CAPZA2: variants seen among roughly 807,000 people sequenced by gnomAD.
CAPZA2 encodes the protein F-actin-capping protein subunit alpha-2.
CAPZA2 carries 13 observed loss-of-function variants against 44.0 expected under a neutral mutation model. That is an observed-to-expected ratio of 0.30 (90% CI 0.19 to 0.47). The LOEUF is 0.47. Ranked by LOEUF, CAPZA2 falls within the 20% of genes least tolerant of loss-of-function variation. The pLI, the probability that CAPZA2 is intolerant of heterozygous loss-of-function variation, is 1.00. For missense variants in CAPZA2, 244 were observed against 338.6 expected, an observed-to-expected ratio of 0.72 and a Z score of 2.19; for synonymous variants, 94 against 108.2, an observed-to-expected ratio of 0.87 and a Z score of 0.81.
chr7:116,888,630 C>G (rs1158035899), intron 2 of CAPZA2: 5 of 144,908 alleles, frequency 3.5e-5, no homozygotes, highest in African/African-American at 5.2e-5. Flanking sequence ...CACTTGAGAC[C>G]AGGAGTTCGA....
intron 7 of CAPZA2, among the ~76,000 whole-genome samples, chr7:116,911,054 G>A (rs1585014868): frequency 6.7e-6 from 1 of 148,750 alleles, no homozygotes; most frequent in East Asian, 2.0e-4. Context: ...ATGGCTAAAA[G>A]GGTTAGGACA....
In CAPZA2 at chr7:116,912,061, T is replaced by C. The variant is rs1791604290; in HGVS notation, c.586-8T>C. The C allele has an allele frequency of 1.9e-6, 3 of 1,611,998 alleles. No individual in the cohort carries two copies. The highest frequency in any genetic ancestry group is 2.5e-6 in the Non-Finnish European group (3 of 1,178,702). On this transcript the variant is annotated splice_polypyrimidine_tract_variant and splice_region_variant and intron_variant, in intron 7 of 9. Transcript: ENST00000361183. ...TAATGTGGTTTCTGTAATTTCTTTT[T>C]CTAATAGGTTCATTATTATGAAGAT...
At chr7:116,866,568 G>A (rs1796486780) in intron 1 of CAPZA2, among the ~76,000 whole-genome samples, 1 of 152,182 alleles carries the variant, frequency 6.6e-6, no homozygotes, top group African/African-American at 2.4e-5. Flanking sequence ...GCATTTTTGT[G>A]AATTTGAAAT....
At chr7:116,903,478 A>G (rs894286222) in intron 4 of CAPZA2, among the ~76,000 whole-genome samples, 1 of 152,216 alleles carries the variant, frequency 6.6e-6, no homozygotes, top group East Asian at 1.9e-4. Flanking sequence ...AGCATGATAT[A>G]TATCAGAGGG....
chr7:116,881,549 C>A (rs1178629690), intron 1 of CAPZA2, among the ~76,000 whole-genome samples: 1 of 151,934 alleles, frequency 6.6e-6, no homozygotes, highest in Non-Finnish European at 1.5e-5. Context: ...ACCATCCTGG[C>A]TAACACGGTG....
chr7:116,891,713 G>A (rs1041277095), intron 2 of CAPZA2, among the ~76,000 whole-genome samples: 1 of 151,820 alleles, frequency 6.6e-6, no homozygotes, highest in Non-Finnish European at 1.5e-5. Flanking sequence ...GGGTTTCACC[G>A]TGTTAGCCAG....
At chr7:116,864,248 C>CT (rs1175210995) in intron 1 of CAPZA2, among the ~76,000 whole-genome samples, 1 of 152,132 alleles carries the variant, frequency 6.6e-6, no homozygotes, top group Non-Finnish European at 1.5e-5. Context: ...GGCTAGAAAT[C>CT]TAGCTGAAGA....
chr7:116,910,464 C>G (rs1406910355), intron 7 of CAPZA2, among the ~76,000 whole-genome samples, 153 bp downstream of exon 7: 3 of 152,096 alleles, frequency 2.0e-5, no homozygotes, highest in Non-Finnish European at 4.4e-5. Context: ...TGTTTTAAAT[C>G]TTTTAAATAA....
At chr7:116,903,704 T>TA (rs1253175367) in intron 4 of CAPZA2, among the ~76,000 whole-genome samples, 6 of 152,330 alleles carry the variant, frequency 3.9e-5, no homozygotes, top group Middle Eastern at 3.4e-3. Context: ...AAGAAACAGA[T>TA]ACGTCAAAGT....
intron 1 of CAPZA2, 104 bp from the exon 2 acceptor site, chr7:116,888,023 G>T: frequency 1.3e-6 from 1 of 753,854 alleles, no homozygotes; most frequent in Non-Finnish European, 2.2e-6. Context: ...AAAATCTTAA[G>T]CCATTTTCAG....
intron 1 of CAPZA2, among the ~76,000 whole-genome samples, chr7:116,883,723 A>G (rs1796727031): frequency 6.6e-6 from 1 of 152,228 alleles, no homozygotes; most frequent in Non-Finnish European, 1.5e-5. Context: ...AATGCAGTAC[A>G]GATCATTTTT....
chr7:116,902,805 C>G (rs752824542), intron 4 of CAPZA2, among the ~76,000 whole-genome samples: 43 of 152,154 alleles, frequency 2.8e-4, no homozygotes, highest in Non-Finnish European at 5.4e-4. Context: ...GACACAATCA[C>G]AGCTCGCTGC....
intron 1 of CAPZA2, among the ~76,000 whole-genome samples, chr7:116,885,457 C>T (rs896094096): frequency 6.6e-6 from 1 of 152,050 alleles, no homozygotes; most frequent in Admixed American, 6.6e-5. Context: ...CGGACACCAG[C>T]TGGGTGTCAT....
intron 1 of CAPZA2, among the ~76,000 whole-genome samples, chr7:116,887,609 ATTAT>A (rs1354130125): frequency 6.6e-6 from 1 of 152,224 alleles, no homozygotes; most frequent in African/African-American, 2.4e-5. Flanking sequence ...AGGCAGGCAG[ATTAT>A]TTGAGGTCAG....
At chr7:116,883,188 C>A (rs1796722142) in intron 1 of CAPZA2, among the ~76,000 whole-genome samples, 1 of 152,078 alleles carries the variant, frequency 6.6e-6, no homozygotes, top group Non-Finnish European at 1.5e-5. Context: ...ATTCACTTAC[C>A]CTCCATGTTT....
chr7:116,912,253 T>C, intron 8 of CAPZA2, 113 bp downstream of exon 8: 1 of 1,476,826 alleles, frequency 6.8e-7, no homozygotes, highest in Non-Finnish European at 9.0e-7. Flanking sequence ...TGTTTTCTGA[T>C]AGATTAAAGA....
At chr7:116,890,525 A>AATATATATATAT (rs869031070) in intron 2 of CAPZA2, among the ~76,000 whole-genome samples, 2 of 27,220 alleles carry the variant, frequency 7.3e-5, no homozygotes, top group Non-Finnish European at 1.2e-4. Flanking sequence ...AAAAAAAAAA[A>AATATATATATAT]ATATATATAT....
chr7:116,898,647 A>G (rs1254098583), intron 3 of CAPZA2, 125 bp from the exon 4 acceptor site: 1 of 518,856 alleles, frequency 1.9e-6, no homozygotes. Context: ...GGAGAATTAC[A>G]ATTTTATTTA....
chr7:116,919,517 T>C lies in CAPZA2; in HGVS notation c.*1650T>C, dbSNP rs752094683. The C allele has an allele frequency of 6.6e-6, 1 of 152,076 alleles. No homozygotes were observed. Among genetic ancestry groups the C allele is most frequent in the Non-Finnish European group, 1.5e-5 (1 of 68,034 alleles). The allele number at this position is 152,076 out of a possible 1,614,324, so 9.4% of individuals were successfully genotyped here. ...CTAGTCTGGAATGCATTACTGAAAA[T>C]GTATGCAACTGTTTTTAAGGTGATT... On this transcript the variant is annotated 3_prime_UTR_variant, in exon 10 of 10. Transcript: ENST00000361183.
Sources: allele counts gnomAD v4.1 joint callset (sites outside exome capture counted in the v4.1 genomes callset), GRCh38; gene constraint gnomAD v4.1.1; transcripts MANE v1.5; gene names NCBI Gene and HGNC (gene_info 2026-07-23, HGNC 2026-07-21).